Variants in ARHGEF10L observed in about 807,000 individuals in gnomAD.
The protein encoded by ARHGEF10L is rho guanine nucleotide exchange factor 10-like protein.
Under a neutral mutation model 141.2 loss-of-function variants are expected in ARHGEF10L, and 69 were observed. That is an observed-to-expected ratio of 0.49 (90% confidence interval 0.40 to 0.60). ARHGEF10L has a LOEUF of 0.60. Among genes scored for constraint, ARHGEF10L ranks in the 20% least tolerant of loss-of-function variants. ARHGEF10L has a pLI of 0.00. For missense variants in ARHGEF10L, 1,482 were observed against 1,734.3 expected (o/e 0.85, Z 2.58); for synonymous variants, 711 against 718.5 (o/e 0.99, Z 0.17).
At chr1:17,552,571 GTTTTTTTTTT>G (rs34766409) in intron 1 of ARHGEF10L, among the ~76,000 whole-genome samples, 3 of 44,918 alleles carry the variant, frequency 6.7e-5, no homozygotes, top group African/African-American at 2.3e-4. Context: ...GCTAATTTTC[GTTTTTTTTTT>G]TTTTTTTTTT....
chr1:17,519,236 G>A, the ARHGEF10L span, among the ~76,000 whole-genome samples: 154 of 148,868 alleles, frequency 1.0e-3, no homozygotes, highest in South Asian at 0.012. Flanking sequence ...TCGGAGCCAG[G>A]AGCCCTTTCC....
chr1:17,601,434 C>T (rs187024975), intron 4 of ARHGEF10L, among the ~76,000 whole-genome samples: 1 of 152,288 alleles, frequency 6.6e-6, no homozygotes, highest in Admixed American at 6.5e-5. Flanking sequence ...TCTTTTGAAG[C>T]TTTGCAAGTC....
chr1:17,559,315 G>A (rs2077459692), intron 1 of ARHGEF10L, among the ~76,000 whole-genome samples: 1 of 152,206 alleles, frequency 6.6e-6, no homozygotes, highest in South Asian at 2.1e-4. Flanking sequence ...CAGCTTCGGT[G>A]TGGAGCTTTG....
In ARHGEF10L at chr1:17,615,948, G is replaced by A. The variant is rs994472530; in HGVS notation, c.727-146G>A. On this transcript the variant is annotated intron_variant, in intron 8 of 28. Transcript: ENST00000361221. The surrounding 1 kb of genome is among the most constrained non-coding windows in gnomAD (Gnocchi z 4.7). Reference sequence around the variant, plus strand: ...AACGCACCTTCTCACCCCCACTGTCGTCCTTGGCCTTTGCTCACGGACCTG... The same window carrying A: ...AACGCACCTTCTCACCCCCACTGTCATCCTTGGCCTTTGCTCACGGACCTG... 28 of 673,260 alleles carry A rather than the reference G, an allele frequency of 4.2e-5. No homozygotes were observed. Among genetic ancestry groups the A allele is most frequent in the Admixed American group, 1.2e-4 (5 of 41,546 alleles). 41.7% of individuals were successfully genotyped at this position (673,260 alleles called of 1,614,324 possible). A position where few individuals can be genotyped will look rare whatever the true frequency, so the allele number is the denominator to read the frequency against.
At chr1:17,671,719 G>A (rs1017053303) in intron 26 of ARHGEF10L, among the ~76,000 whole-genome samples, 2 of 152,300 alleles carry the variant, frequency 1.3e-5, no homozygotes, top group East Asian at 1.9e-4. Flanking sequence ...AGCCTGTCTG[G>A]ACCATTTCAC....
Position 17,619,391 on chromosome 1 carries a change from C to G in ARHGEF10L, c.888C>G (p.Ile296Met), listed in dbSNP as rs868400933. 6.2e-7 allele frequency: 1 copy of G among 1,612,638 alleles called. No homozygotes were observed. Among genetic ancestry groups the G allele is most frequent in the Admixed American group, 1.7e-5 (1 of 59,954 alleles). Residue 296 changes from isoleucine (I) to methionine (M), a missense_variant, in exon 10 of 29, where the codon ATC becomes ATG. Around this residue, in one of 3 missense-constraint regions of ARHGEF10L, gnomAD observed 392 missense variants for 542.1 expected, o/e 0.72. Coordinates refer to ENST00000361221, the MANE Select transcript of ARHGEF10L (RefSeq NM_018125.4). This position sits in a 1 kb window ranked among gnomAD's most constrained non-coding sequence, Gnocchi z 5.0. ...TCCTGGAGGTCAGCGTTTCGGACATCAAGCCCCCAGCCCCAGAGCTGGGCC... is the reference window on the plus strand; with the variant it reads ...TCCTGGAGGTCAGCGTTTCGGACATGAAGCCCCCAGCCCCAGAGCTGGGCC... ...MGLLEVSVSD[I>M]KPPAPELGPM...
rs770129253 is a variant in ARHGEF10L at position 17,588,510 on chromosome 1, G to T, written c.257+31G>T. On this transcript the variant is annotated intron_variant, in intron 4 of 28. Transcript: ENST00000361221. ...TGAACCTTGCTCCTTTGCTTTGGCG[G>T]TTGGAAACAGGGAGACACCGGGCAG... The T allele has an allele frequency of 3.7e-6, 6 of 1,613,676 alleles. No individual in the cohort carries two copies. The African/African-American group carries it at 6.7e-5, about 18-fold the overall frequency.
intron 4 of ARHGEF10L, among the ~76,000 whole-genome samples, chr1:17,597,654 A>G (rs2100847980): frequency 6.6e-6 from 1 of 152,274 alleles, no homozygotes; most frequent in South Asian, 2.1e-4. Flanking sequence ...CAGATAGATC[A>G]CCGGGGTTCA....
At chr1:17,553,423 C>T (rs2077188013) in intron 1 of ARHGEF10L, among the ~76,000 whole-genome samples, 1 of 152,146 alleles carries the variant, frequency 6.6e-6, no homozygotes, top group South Asian at 2.1e-4. Context: ...ACTTCCTGTC[C>T]TCTATTGCCT....
chr1:17,664,706 C>A, intron 26 of ARHGEF10L, 111 bp downstream of exon 26: 2 of 1,327,970 alleles, frequency 1.5e-6, no homozygotes, highest in Non-Finnish European at 2.0e-6. Context: ...TTCCAAGGAT[C>A]GATTGGGCAG....
chr1:17,622,735 T>C (rs147881065), intron 11 of ARHGEF10L, among the ~76,000 whole-genome samples: 2 of 152,256 alleles, frequency 1.3e-5, no homozygotes, highest in African/African-American at 4.8e-5. Context: ...AAGGAGCTCC[T>C]TGCAGGCAGA....
chr1:17,693,449 C>A (rs1569857072), intron 27 of ARHGEF10L, among the ~76,000 whole-genome samples: 1 of 152,166 alleles, frequency 6.6e-6, no homozygotes, highest in East Asian at 1.9e-4. Context: ...CGGTAACCTG[C>A]CTTTTGGGGT....
intron 20 of ARHGEF10L, 171 bp from the exon 21 acceptor site, chr1:17,640,031 G>C: frequency 6.8e-7 from 1 of 1,469,668 alleles, no homozygotes; most frequent in Non-Finnish European, 9.0e-7. Flanking sequence ...TCCCCCAGGG[G>C]ACCGAGGCTT....
intron 9 of ARHGEF10L, chr1:17,618,252 A>C (rs2059913146): frequency 1.5e-6 from 2 of 1,356,204 alleles, no homozygotes; most frequent in Middle Eastern, 2.2e-4. Context: ...GGCTCTCCTC[A>C]GCCCTCCCCA....
At chr1:17,554,302 G>C (rs1457707861) in intron 1 of ARHGEF10L, among the ~76,000 whole-genome samples, 1 of 152,128 alleles carries the variant, frequency 6.6e-6, no homozygotes, top group Non-Finnish European at 1.5e-5. Context: ...TTGCCAAGGA[G>C]CCCAGCCCAG....
rs770934433 is a variant in ARHGEF10L, at chr1:17,587,618, A to G, written c.196A>G (p.Ile66Val). ...TGAGAGGGACACAGACCCCCCACTG[A>G]TCCACTTGGACTCCATCCCTGTCAC... ...APERDTDPPLIHLDSIPVTDP... is the reference protein window; with the variant it reads ...APERDTDPPLVHLDSIPVTDP... Residue 66 changes from isoleucine to valine, a missense_variant, in exon 3 of 29, where the codon ATC becomes GTC. This residue lies in a region of ARHGEF10L where 232 missense variants were observed against 225.9 expected (regional missense o/e 1.03). Transcript: ENST00000361221. 1 of 1,613,444 alleles carries G rather than the reference A, an allele frequency of 6.2e-7. No homozygotes were observed. Among genetic ancestry groups the G allele is most frequent in the Non-Finnish European group, 8.5e-7 (1 of 1,179,764 alleles).
At chr1:17,583,051 C>T (rs1314736602) in intron 2 of ARHGEF10L, among the ~76,000 whole-genome samples, 1 of 98,396 alleles carries the variant, frequency 1.0e-5, no homozygotes, top group East Asian at 3.1e-4. Flanking sequence ...CCTGTCTCTA[C>T]AAAAAATGAA....
At chr1:17,538,109 T>C (rs1042993768), upstream of ARHGEF10L, among the ~76,000 whole-genome samples, 2 of 151,500 alleles carry the variant, frequency 1.3e-5, no homozygotes, top group Non-Finnish European at 2.9e-5. Context: ...AAGGAAGGGG[T>C]TGGAGTACAC....
intron 4 of ARHGEF10L, 147 bp from the exon 5 acceptor site, chr1:17,601,980 C>A: frequency 3.0e-6 from 2 of 663,404 alleles, no homozygotes; most frequent in Non-Finnish European, 2.5e-6. Context: ...GGGGGCTTGT[C>A]TGAGGCCAAC....
Sources: allele counts gnomAD v4.1 joint callset (sites outside exome capture counted in the v4.1 genomes callset), GRCh38; gene constraint gnomAD v4.1.1; regional missense constraint gnomAD v4.1.1; non-coding constraint Gnocchi (gnomAD v3.1); transcripts MANE v1.5; gene names NCBI Gene and HGNC (gene_info 2026-07-23, HGNC 2026-07-21).